The following ATRX variants were observed in gnomAD, a reference collection of about 807,000 sequenced individuals.
ATRX encodes the protein chromatin remodeler ATRX.
Under a neutral mutation model 172.6 loss-of-function variants are expected in ATRX, and 12 were observed. The ratio of observed to expected loss-of-function variants is 0.07; its 90% CI spans 0.04 to 0.11. The LOEUF (loss-of-function observed/expected upper bound fraction) is 0.11, where lower values mean the gene tolerates loss of function less well. ATRX is among the 10% of genes least tolerant of loss of function. The pLI, the probability that ATRX is intolerant of heterozygous loss-of-function variation, is 1.00. For synonymous variants in ATRX, 674 were observed against 594.7 expected (o/e 1.13, Z -1.94); for missense variants, 1,368 against 1,767.4 (o/e 0.77, Z 4.05).
chrX:77,573,149 AGCAT>A (rs1193174582), intron 28 of ATRX, among the ~76,000 whole-genome samples: 1 of 112,163 alleles, frequency 8.9e-6, no homozygotes, highest in African/African-American at 3.2e-5. Flanking sequence ...AATAACAGAC[AGCAT>A]GTACAAAGGC....
intron 34 of ATRX, among the ~76,000 whole-genome samples, chrX:77,514,037 A>T (rs1198386257): frequency 9.0e-6 from 1 of 111,406 alleles, no homozygotes; most frequent in Non-Finnish European, 1.9e-5. Flanking sequence ...AATACCTAGG[A>T]ATACAGCTAA....
chrX:77,576,622 C>G (rs1368848021), intron 27 of ATRX, among the ~76,000 whole-genome samples: 4 of 111,462 alleles, frequency 3.6e-5, no homozygotes, highest in Non-Finnish European at 5.7e-5. Flanking sequence ...TACTACATGT[C>G]TAGCTTGGTG....
intron 4 of ATRX, 104 bp from the exon 5 acceptor site, chrX:77,696,808 A>AGGAAGCACATCAGAATCACCTAG (rs2072214634): frequency 3.6e-6 from 3 of 823,630 alleles, no homozygotes; most frequent in Middle Eastern, 7.1e-4. Flanking sequence ...GGTCTCAACA[A>AGGAAGCACATCAGAATCACCTAG]GGAAGCACAT....
intron 1 of ATRX, among the ~76,000 whole-genome samples, chrX:77,766,086 C>T (rs1180295007): frequency 2.7e-5 from 3 of 112,702 alleles, no homozygotes; most frequent in Non-Finnish European, 5.6e-5. Flanking sequence ...CCCATGTCTA[C>T]CTCTTTCTAC....
intron 1 of ATRX, among the ~76,000 whole-genome samples, chrX:77,777,864 C>T (rs781992461): frequency 4.8e-4 from 53 of 110,498 alleles, no homozygotes; most frequent in Non-Finnish European, 7.9e-4. Context: ...TGGCCAGGCG[C>T]GGTGGCTCAT....
rs1557139933 is a variant in ATRX, at chrX:77,682,964, C to A, written c.2292G>T (p.Leu764Phe). Residue 764 changes from leucine (L) to phenylalanine (F), a missense_variant, in exon 9 of 35, where the codon TTG becomes TTT. Around this residue, in one of 17 missense-constraint regions of ATRX, gnomAD observed 843 missense variants for 643.1 expected, o/e 1.31. Transcript: ENST00000373344. Reference sequence around the variant, plus strand: ...TCCCCGCCTGAGTCTTTAAATCATACAAAGTCTTATGGTTTGTATGAATTT... The same window carrying A: ...TCCCCGCCTGAGTCTTTAAATCATAAAAAGTCTTATGGTTTGTATGAATTT... ...INEIHTNHKT[L>F]YDLKTQAGKD... 1 of 1,210,471 alleles carries A rather than the reference C, an allele frequency of 8.3e-7. No homozygotes were observed. Among genetic ancestry groups the A allele is most frequent in the Non-Finnish European group, 1.1e-6 (1 of 894,815 alleles).
In ATRX at chrX:77,640,733, G is replaced by A. The variant is rs192904223; in HGVS notation, c.4558-4677C>T. 2.2e-3 allele frequency among the ~76,000 whole-genome samples: 248 copies of A among 111,658 alleles called. 1 individual carries two copies. The highest frequency in any genetic ancestry group is 7.4e-3 in the African/African-American group (227 of 30,740). On this transcript the variant is annotated intron_variant, in intron 15 of 34. Coordinates refer to ENST00000373344, the MANE Select transcript of ATRX (RefSeq NM_000489.6). ...AAAAGGGATTCCCAAGGAGAGCACT[G>A]GAGATATATCAAGTTGAAGAAACAA...
chrX:77,574,194 T>C (rs2065524188), intron 28 of ATRX, 56 bp downstream of exon 28: 6 of 827,520 alleles, frequency 7.3e-6, no homozygotes, highest in African/African-American at 4.1e-5. Context: ...GAACTTTATG[T>C]AAATTTTAAA....
intron 2 of ATRX, among the ~76,000 whole-genome samples, chrX:77,702,512 G>A (rs1401843087): frequency 9.1e-6 from 1 of 109,969 alleles, no homozygotes; most frequent in African/African-American, 3.3e-5. Flanking sequence ...TGGGTACAAG[G>A]ACAATAAACA....
intron 30 of ATRX, among the ~76,000 whole-genome samples, chrX:77,547,759 G>A (rs1208920032): frequency 9.0e-6 from 1 of 111,314 alleles, no homozygotes; most frequent in Non-Finnish European, 1.9e-5. Flanking sequence ...ACTGATCTCT[G>A]GGGGAATGCA....
rs782606332 is a variant in ATRX at position 77,711,497 on chromosome X, T to A, written c.133+5634A>T. On this transcript the variant is annotated intron_variant, in intron 2 of 34. Transcript: ENST00000373344. Reference sequence around the variant, plus strand: ...GAGGGGGAAAAATACTATTTAGAACTAATAAGTACGTTAAGCAAGTTCACA... The same window carrying A: ...GAGGGGGAAAAATACTATTTAGAACAAATAAGTACGTTAAGCAAGTTCACA... Among the ~76,000 whole-genome samples the A allele has an allele frequency of 5.6e-3, 636 of 112,580 alleles. 3 individuals carry two copies. The highest frequency in any genetic ancestry group is 0.02 in the African/African-American group (609 of 31,004).
intron 29 of ATRX, 74 bp downstream of exon 29, chrX:77,558,595 A>C: frequency 1.1e-6 from 1 of 937,917 alleles, no homozygotes; most frequent in African/African-American, 1.9e-5. Flanking sequence ...TGTAATACAC[A>C]TATGTTCCAT....
chrX:77,679,106 C>T (rs186352329), intron 9 of ATRX, among the ~76,000 whole-genome samples: 83 of 111,134 alleles, frequency 7.5e-4, no homozygotes, highest in African/African-American at 1.6e-3. Context: ...CTGGCTCACA[C>T]GCAAACTTAT....
intron 28 of ATRX, among the ~76,000 whole-genome samples, chrX:77,562,994 T>C (rs1021439692): frequency 1.2e-4 from 14 of 112,978 alleles, no homozygotes; most frequent in Non-Finnish European, 1.9e-5. Context: ...ACATTCTGAA[T>C]GAGTCCTTTG....
At chrX:77,692,891 GTT>G (rs781923756) in intron 6 of ATRX, among the ~76,000 whole-genome samples, 2 of 97,755 alleles carry the variant, frequency 2.0e-5, no homozygotes, top group African/African-American at 3.8e-5. Flanking sequence ...GTGTGTGTGT[GTT>G]TTAATTTTTT....
chrX:77,742,696 G>A (rs1473434274), intron 1 of ATRX, among the ~76,000 whole-genome samples: 1 of 111,809 alleles, frequency 8.9e-6, no homozygotes, highest in Non-Finnish European at 1.9e-5. Flanking sequence ...GTGTGGCTGG[G>A]ACCCACAGGG....
intron 7 of ATRX, among the ~76,000 whole-genome samples, chrX:77,685,668 A>G (rs1047824916): frequency 2.1e-4 from 24 of 111,726 alleles, no homozygotes; most frequent in African/African-American, 6.5e-4. Context: ...ATACCGTATG[A>G]TCCAGCAATC....
At chrX:77,702,541 A>G (rs1159829517) in intron 2 of ATRX, among the ~76,000 whole-genome samples, 2 of 111,815 alleles carry the variant, frequency 1.8e-5, no homozygotes, top group African/African-American at 6.5e-5. Context: ...TGTTATGTCT[A>G]TACACTTGCA....
chrX:77,650,811 C>T (rs782759275), intron 15 of ATRX, among the ~76,000 whole-genome samples: 42 of 111,248 alleles, frequency 3.8e-4, no homozygotes, highest in African/African-American at 1.3e-3. Flanking sequence ...TGGTCTCCAA[C>T]ACCTGACCTC....
Sources: gnomAD v4.1 joint callset for allele counts (sites outside exome capture counted in the v4.1 genomes callset) on GRCh38, gnomAD v4.1.1 for gene constraint, gnomAD v4.1.1 regional missense constraint, MANE v1.5 for transcripts, NCBI Gene and HGNC (gene_info 2026-07-23, HGNC 2026-07-21) for gene names.